MAPK10: variants seen among roughly 807,000 people sequenced by gnomAD.
The protein encoded by MAPK10 is mitogen-activated protein kinase 10.
In MAPK10, 25 loss-of-function variants were observed where a neutral mutation model predicts 59.3. That is an observed-to-expected ratio of 0.42 (90% CI 0.31 to 0.59). The LOEUF is 0.59. Among genes scored for constraint, MAPK10 ranks in the 20% least tolerant of loss-of-function variants. The pLI is 0.15. For missense variants in MAPK10, 351 were observed against 568.9 expected (o/e 0.62, Z 3.90); for synonymous variants, 190 against 200.5 (o/e 0.95, Z 0.44).
intron 1 of MAPK10, among the ~76,000 whole-genome samples, chr4:86,553,490 C>G (rs1565033502): frequency 6.6e-6 from 1 of 152,276 alleles, no homozygotes; most frequent in East Asian, 1.9e-4. Context: ...TGACATGAAG[C>G]CACTCTCTCC....
chr4:86,172,631 G>A (rs1177093862), intron 3 of MAPK10, among the ~76,000 whole-genome samples: 3 of 150,920 alleles, frequency 2.0e-5, no homozygotes, highest in Non-Finnish European at 2.9e-5. Flanking sequence ...GCTAAATGAC[G>A]AGTTAATGGG....
chr4:86,116,982 CAGT>C (rs1481910992), intron 4 of MAPK10, among the ~76,000 whole-genome samples: 12 of 152,240 alleles, frequency 7.9e-5, no homozygotes, highest in African/African-American at 2.9e-4. Flanking sequence ...ATCTGCTAAT[CAGT>C]AGTTCTTTAG....
At chr4:86,556,802 A>C (rs1428624383) in intron 1 of MAPK10, among the ~76,000 whole-genome samples, 1 of 152,162 alleles carries the variant, frequency 6.6e-6, no homozygotes, top group East Asian at 1.9e-4. Context: ...TAGAATCTTA[A>C]AATGTTTAAA....
At chr4:86,430,286 A>T (rs1747861934) in intron 1 of MAPK10, among the ~76,000 whole-genome samples, 1 of 152,256 alleles carries the variant, frequency 6.6e-6, no homozygotes, top group South Asian at 2.1e-4. Flanking sequence ...CCATGTTATT[A>T]AATGTATCAA....
At chr4:86,464,850 A>C (rs1461479511) in intron 1 of MAPK10, among the ~76,000 whole-genome samples, 1 of 152,042 alleles carries the variant, frequency 6.6e-6, no homozygotes, top group Admixed American at 6.5e-5. Context: ...CCCTTTTTAC[A>C]TCACTCACAT....
intron 2 of MAPK10, among the ~76,000 whole-genome samples, chr4:86,236,981 C>T (rs1398327089): frequency 6.6e-6 from 1 of 151,712 alleles, no homozygotes; most frequent in African/African-American, 2.4e-5. Flanking sequence ...TCTAAGTTGC[C>T]TCCCCTAGAC....
chr4:86,040,355 T>C (rs558668821), intron 11 of MAPK10, among the ~76,000 whole-genome samples: 1 of 152,132 alleles, frequency 6.6e-6, no homozygotes, highest in South Asian at 2.1e-4. Flanking sequence ...TTGCCGAATA[T>C]AATGAATGAA....
intron 3 of MAPK10, among the ~76,000 whole-genome samples, chr4:86,180,754 A>G (rs566451351): frequency 2.0e-4 from 31 of 152,100 alleles, no homozygotes; most frequent in Admixed American, 3.9e-4. Context: ...AAGAACAGGA[A>G]GTTAAACACC....
rs139648671 is a variant in MAPK10 at position 86,547,563 on chromosome 4, C to T, written c.-263+46347G>A. ...CCGCGCTCCCTGGGCTCCTGTGCCG[C>T]GGAGCCTCCCCTAAGAGCGCCGCCC... On this transcript the variant is annotated intron_variant, in intron 1 of 4. Transcript: ENST00000502302. Among the ~76,000 whole-genome samples the T allele has an allele frequency of 3.0e-3, 458 of 152,290 alleles. 5 individuals carry two copies. Among genetic ancestry groups the T allele is most frequent in the African/African-American group, 0.01 (422 of 41,570 alleles).
intron 1 of MAPK10, among the ~76,000 whole-genome samples, chr4:86,581,676 TTG>T (rs56210798): frequency 0.19 from 25,621 of 136,356 alleles, 2,643 homozygotes; most frequent in East Asian, 0.26. Flanking sequence ...TTTTCAGTTA[TTG>T]TGTGTGTGTG....
intron 2 of MAPK10, among the ~76,000 whole-genome samples, chr4:86,270,795 G>C (rs1447123138): frequency 6.6e-6 from 1 of 151,970 alleles, no homozygotes; most frequent in East Asian, 1.9e-4. Context: ...TTTGTGCCTG[G>C]CTGATTTTTC....
At chr4:86,542,829 A>G (rs550766365) in intron 1 of MAPK10, among the ~76,000 whole-genome samples, 7 of 152,308 alleles carry the variant, frequency 4.6e-5, no homozygotes, top group Non-Finnish European at 7.4e-5. Context: ...GATGTTTTCC[A>G]TCTTGTTTTC....
chr4:86,297,559 C>T (rs561888767), intron 2 of MAPK10, among the ~76,000 whole-genome samples: 1 of 152,288 alleles, frequency 6.6e-6, no homozygotes, highest in African/African-American at 2.4e-5. Context: ...GATCCACCCA[C>T]CTCGGCCTCC....
At chr4:86,462,594 C>T (rs1023031686) in intron 1 of MAPK10, among the ~76,000 whole-genome samples, 2 of 152,130 alleles carry the variant, frequency 1.3e-5, no homozygotes, top group African/African-American at 4.8e-5. Flanking sequence ...ATTCAACCCG[C>T]TCAATTTAAT....
Position 86,417,504 on chromosome 4 carries a change from G to A in MAPK10, c.-122+35526C>T, listed in dbSNP as rs1353208004. Among the ~76,000 whole-genome samples the A allele has an allele frequency of 2.6e-5, 4 of 152,162 alleles. No individual in the cohort carries two copies. In the East Asian group the frequency reaches 7.7e-4, roughly 29 times the overall value. ...ATAATTCAAAATAATTATTTAACAT[G>A]TTAAAAGCTATAGTCCAAGGTCTAG... On this transcript the variant is annotated intron_variant, in intron 1 of 13. Transcript: ENST00000361569.
At chr4:86,316,232 C>T (rs934603367) in intron 2 of MAPK10, among the ~76,000 whole-genome samples, 1 of 152,170 alleles carries the variant, frequency 6.6e-6, no homozygotes, top group African/African-American at 2.4e-5. Context: ...CTTAGCAATA[C>T]ATGACTTACT....
chr4:86,529,507 T>C lies in MAPK10; in HGVS notation c.-263+64403A>G, dbSNP rs796213241. 2.6e-5 allele frequency among the ~76,000 whole-genome samples: 4 copies of C among 152,232 alleles called. No individual in the cohort carries two copies. In the South Asian group the frequency reaches 8.3e-4, roughly 32 times the overall value. On this transcript the variant is annotated intron_variant, in intron 1 of 4. Coordinates refer to the MAPK10 transcript ENST00000502302. ...AAATAAAGCACATCAGGAAGTCTAC[T>C]ACTTCAGAAGGTCATACAGCCAGGA...
chr4:86,547,508 G>A (rs1031435692), intron 1 of MAPK10, among the ~76,000 whole-genome samples: 25 of 152,356 alleles, frequency 1.6e-4, no homozygotes, highest in Middle Eastern at 3.4e-3. Flanking sequence ...CAGGGCTCAG[G>A]ACCTGCAGCC....
intron 1 of MAPK10, among the ~76,000 whole-genome samples, chr4:86,590,560 G>C (rs1762962330): frequency 6.6e-6 from 1 of 152,120 alleles, no homozygotes; most frequent in African/African-American, 2.4e-5. Flanking sequence ...AAGGAGGGAG[G>C]ATTGCTTGAG....
Sources: gnomAD v4.1 joint callset for allele counts (sites outside exome capture counted in the v4.1 genomes callset) on GRCh38, gnomAD v4.1.1 for gene constraint, MANE v1.5 for transcripts, NCBI Gene and HGNC (gene_info 2026-07-23, HGNC 2026-07-21) for gene names.